The following MACF1 variants were observed in gnomAD, a reference collection of about 807,000 sequenced individuals.
The protein encoded by MACF1 is microtubule actin crosslinking factor 1.
Under a neutral mutation model 854.8 loss-of-function variants are expected in MACF1, and 193 were observed. That is an observed-to-expected ratio of 0.23 (90% CI 0.20 to 0.25). MACF1 has a LOEUF of 0.25. Among genes scored for constraint, MACF1 ranks in the 10% least tolerant of loss-of-function variants. MACF1 has a pLI of 1.00. For synonymous variants in MACF1, 3,185 were observed against 3,226.7 expected, an observed-to-expected ratio of 0.99 and a Z score of 0.44; for missense variants, 7,722 against 8,929.1, an observed-to-expected ratio of 0.86 and a Z score of 5.45.
chr1:39,370,846 A>C (rs1211121488), intron 51 of MACF1, among the ~76,000 whole-genome samples: 3 of 152,128 alleles, frequency 2.0e-5, no homozygotes, highest in Non-Finnish European at 4.4e-5. Context: ...TGGCACCTCA[A>C]GGCCAAAAAA....
At chr1:39,398,988 C>T (rs556085311) in intron 58 of MACF1, among the ~76,000 whole-genome samples, 4 of 152,334 alleles carry the variant, frequency 2.6e-5, no homozygotes, top group Middle Eastern at 3.4e-3. Context: ...GTTAAGAATG[C>T]AGAGAGCTGG....
rs1457667297 is a variant in MACF1, at chr1:39,336,492, G to A, written c.9904G>A (p.Glu3302Lys). The change falls in exon 37 of 101, where the codon GAA (glutamate) becomes AAA (lysine). Residue 3302 changes from glutamate to lysine, a missense_variant. Glu to Lys is a moderately conservative substitution (Grantham distance 56, BLOSUM62 1). Transcript: ENST00000564288. The part of the protein sequence containing the change: ...ISPTVLETSE[E>K]KTVSLTVCSA... ...TCCTACTGTTCTAGAGACCAGTGAA[G>A]AAAAGACAGTGTCCCTAACAGTATG... 1 of 1,614,134 alleles carries A rather than the reference G, an allele frequency of 6.2e-7. No individual in the cohort carries two copies.
chr1:39,387,210 G>A lies in MACF1; in HGVS notation c.14368G>A (p.Ala4790Thr). The A allele has an allele frequency of 6.2e-7, 1 of 1,613,896 alleles. No individual in the cohort carries two copies. The highest frequency in any genetic ancestry group is 1.1e-5 in the South Asian group (1 of 91,058). The change falls in exon 58 of 101, where the codon GCA (alanine) becomes ACA (threonine). Residue 4790 changes from alanine to threonine, a missense_variant. Coordinates refer to ENST00000564288, the MANE Select transcript of MACF1 (RefSeq NM_001394062.1). ...AGCCGATCGCATTAACAGACTCCAG[G>A]CAGCTCTTGCCAGCACCCAGCAGTT... The part of the protein sequence containing the change: ...LAADRINRLQ[A>T]ALASTQQFQQ...
intron 2 of MACF1, among the ~76,000 whole-genome samples, chr1:39,167,435 G>A (rs1316949601): frequency 6.6e-6 from 1 of 151,648 alleles, no homozygotes; most frequent in South Asian, 2.1e-4. Context: ...GACCGGGCGC[G>A]GTGGCTCATG....
At chr1:39,434,180 A>T (rs1643923297) in intron 68 of MACF1, among the ~76,000 whole-genome samples, 1 of 152,132 alleles carries the variant, frequency 6.6e-6, no homozygotes, top group South Asian at 2.1e-4. Flanking sequence ...ACTGCTTTTT[A>T]AACTTTTATC....
In MACF1 at chr1:39,198,676, T is replaced by A. The variant is rs929108736; in HGVS notation, c.221-32506T>A. 1.4e-3 allele frequency among the ~76,000 whole-genome samples: 198 copies of A among 137,944 alleles called. 2 individuals carry two copies. Among genetic ancestry groups the A allele is most frequent in the African/African-American group, 4.3e-3 (159 of 36,596 alleles). 90.5% of individuals were successfully genotyped at this position (137,944 alleles called of 152,430 possible). ...CGTCTCAAAAAAAAAAAAAAAAAAA[T>A]TAGCTGGGCGTGGTGGCACACACCT... On this transcript the variant is annotated intron_variant, in intron 2 of 93. Transcript: ENST00000361689.
chr1:39,096,417 CCA>C (rs759724050), intron 2 of MACF1, among the ~76,000 whole-genome samples: 5 of 150,750 alleles, frequency 3.3e-5, no homozygotes, highest in Non-Finnish European at 7.4e-5. Flanking sequence ...TTCTCCCTCC[CCA>C]GTTATGTATA....
At chr1:39,264,662 C>CTTTTT (rs35145613) in intron 6 of MACF1, among the ~76,000 whole-genome samples, 1 of 81,626 alleles carries the variant, frequency 1.2e-5, no homozygotes, top group African/African-American at 4.5e-5. Context: ...GATAGGATTT[C>CTTTTT]TTTTTTTTTT....
At chr1:39,408,475 A>G (rs1365246401) in intron 58 of MACF1, among the ~76,000 whole-genome samples, 1 of 152,116 alleles carries the variant, frequency 6.6e-6, no homozygotes, top group African/African-American at 2.4e-5. Context: ...GCAGAGATGG[A>G]GCCGAGAGCG....
At chr1:39,435,807 T>C (rs999811672) in intron 70 of MACF1, 46 bp downstream of exon 70, 9 of 1,556,004 alleles carry the variant, frequency 5.8e-6, no homozygotes, top group Middle Eastern at 3.6e-4. Context: ...TCTACTGTTC[T>C]AAACAAGAGG....
At chr1:39,153,446 C>G (rs1643623141) in intron 2 of MACF1, among the ~76,000 whole-genome samples, 1 of 152,252 alleles carries the variant, frequency 6.6e-6, no homozygotes, top group South Asian at 2.1e-4. Flanking sequence ...GGAAAGGACT[C>G]AAAGGAGCCA....
At chr1:39,359,395 G>T (rs1168765380) in intron 47 of MACF1, 131 bp downstream of exon 47, 6 of 1,035,008 alleles carry the variant, frequency 5.8e-6, no homozygotes, top group South Asian at 1.8e-5. Flanking sequence ...AACATGAATA[G>T]ACATAGATTG....
intron 49 of MACF1, among the ~76,000 whole-genome samples, chr1:39,367,845 C>A (rs1249460427): frequency 6.6e-6 from 1 of 151,996 alleles, no homozygotes; most frequent in Non-Finnish European, 1.5e-5. Flanking sequence ...TGGCAGGAGA[C>A]TGTAATCCCA....
chr1:39,379,893 A>C (rs906183152), intron 54 of MACF1, among the ~76,000 whole-genome samples: 3 of 152,340 alleles, frequency 2.0e-5, no homozygotes, highest in Admixed American at 2.0e-4. Flanking sequence ...TCCTGTAGGC[A>C]AGTTTCACCA....
intron 2 of MACF1, among the ~76,000 whole-genome samples, chr1:39,185,399 G>A (rs1321186244): frequency 1.3e-5 from 2 of 152,110 alleles, no homozygotes; most frequent in Admixed American, 6.5e-5. Context: ...GCTAAGGCAG[G>A]AGGATTGCTT....
chr1:39,288,943 C>T (rs1645710564), intron 15 of MACF1, among the ~76,000 whole-genome samples: 1 of 152,176 alleles, frequency 6.6e-6, no homozygotes, highest in African/African-American at 2.4e-5. Context: ...ATACTCTTCC[C>T]AGCCTGTTTT....
chr1:39,300,466 TA>T (rs59075192), intron 22 of MACF1, 104 bp downstream of exon 22: 74,425 of 1,203,544 alleles, frequency 0.062, 5,273 homozygotes, highest in African/African-American at 0.33. Context: ...ACAGCGTTTT[TA>T]AAATTAGAAT....
intron 21 of MACF1, chr1:39,299,269 A>G (rs978243896): frequency 4.4e-6 from 2 of 455,988 alleles, no homozygotes; most frequent in African/African-American, 4.0e-5. Flanking sequence ...TAGTTTATTT[A>G]AGCATTTCTT....
intron 6 of MACF1, among the ~76,000 whole-genome samples, chr1:39,278,484 T>C (rs1010594624): frequency 2.0e-5 from 3 of 152,230 alleles, no homozygotes; most frequent in Non-Finnish European, 4.4e-5. Flanking sequence ...AAATGAGAGA[T>C]GTTATTAGAA....
Sources: allele counts gnomAD v4.1 joint callset (sites outside exome capture counted in the v4.1 genomes callset), GRCh38; gene constraint gnomAD v4.1.1; transcripts MANE v1.5; gene names NCBI Gene and HGNC (gene_info 2026-07-23, HGNC 2026-07-21).